Variants in RNF19A observed in about 807,000 individuals in gnomAD.
RNF19A encodes ring finger protein 19A, RBR E3 ubiquitin protein ligase, also known as E3 ubiquitin-protein ligase RNF19A.
In RNF19A, 32 loss-of-function variants were observed where a neutral mutation model predicts 75.7. That is an observed-to-expected ratio of 0.42 (90% CI 0.32 to 0.57). The LOEUF (loss-of-function observed/expected upper bound fraction) is 0.57. Ranked by LOEUF, RNF19A falls within the 20% of genes least tolerant of loss-of-function variation. The probability of loss-of-function intolerance (pLI) is 0.10; values close to 1 mark genes in which losing one functional copy is unlikely to be tolerated. For synonymous variants in RNF19A, 335 were observed against 345.2 expected, an observed-to-expected ratio of 0.97 and a Z score of 0.33; for missense variants, 782 against 1,036.3, an observed-to-expected ratio of 0.75 and a Z score of 3.37.
intron 2 of RNF19A, among the ~76,000 whole-genome samples, chr8:100,283,649 T>C (rs1324822790): frequency 6.6e-6 from 1 of 152,186 alleles, no homozygotes; most frequent in East Asian, 1.9e-4. Flanking sequence ...TTCTACTCTG[T>C]GGTAAGGACA....
intron 1 of RNF19A, among the ~76,000 whole-genome samples, chr8:100,295,567 A>C (rs1433130779): frequency 6.6e-6 from 1 of 152,198 alleles, no homozygotes; most frequent in Non-Finnish European, 1.5e-5. Flanking sequence ...TAAGGCAATG[A>C]AAAAAGGGAA....
At position 100,262,356 on chromosome 8, in the gene RNF19A, T is replaced by G. The variant is rs151164043; in HGVS notation, c.1469-601A>C. The stretch of plus-strand genomic sequence containing the variant: ...CTGTGAGCCATTTTATATGATGTGA[T>G]GACAGAAGGCCTCTTTGATAAGGTA... On this transcript the variant is annotated intron_variant, in intron 7 of 9. Coordinates refer to ENST00000341084, the MANE Select transcript of RNF19A (RefSeq NM_183419.4). Among the ~76,000 whole-genome samples, 17 of 152,294 alleles carry G rather than the reference T, an allele frequency of 1.1e-4. No homozygotes were observed. In the East Asian group the frequency reaches 3.3e-3, roughly 29 times the overall value.
chr8:100,318,554 A>C (rs1482500222), intron 1 of RNF19A, among the ~76,000 whole-genome samples: 1 of 152,258 alleles, frequency 6.6e-6, no homozygotes, highest in Non-Finnish European at 1.5e-5. Context: ...ACACAGAATA[A>C]TTTCCACACT....
chr8:100,328,068 T>G (rs1822558365), intron 1 of RNF19A, among the ~76,000 whole-genome samples: 1 of 152,188 alleles, frequency 6.6e-6, no homozygotes, highest in African/African-American at 2.4e-5. Context: ...CTTGAATGCA[T>G]GCATTATGGG....
In RNF19A at chr8:100,261,712, C is replaced by T. The variant is rs142203113; in HGVS notation, c.1512G>A (p.Gly504=). 3 of 1,614,142 alleles carry T rather than the reference C, an allele frequency of 1.9e-6. No homozygotes were observed. The East Asian group carries it at 6.7e-5, about 36-fold the overall frequency. ...CAGTCAGCCCACCAACACTTCCCTC[C>T]CCTATGCTTGGGTTGTGTCTTGCTT... The part of the protein sequence containing the change: ...VAEARHNPSI[G]EGSVGGLTGS... Residue 504 remains glycine (G), a synonymous_variant, in exon 8 of 10, where the codon GGG becomes GGA. Coordinates refer to ENST00000341084, the MANE Select transcript of RNF19A (RefSeq NM_183419.4). The surrounding 1 kb of genome is among the most constrained non-coding windows in gnomAD (Gnocchi z 4.4).
At position 100,258,897 on chromosome 8, in the gene RNF19A, TAG is replaced by T; in HGVS notation, c.2174_2175del (p.Ser725Ter). ...GAACAACTAAATTCAGAAAAATGAC[TAG>T]AGTGAGAATCTGCTACAGAAGGCAT... ...DSMPSVADSH[S>X]SHFSEFSCSD... On this transcript the variant is annotated frameshift_variant, in exon 10 of 10. Coordinates refer to ENST00000341084, the MANE Select transcript of RNF19A (RefSeq NM_183419.4). LOFTEE classifies it high-confidence loss of function. This position sits in a 1 kb window ranked among gnomAD's most constrained non-coding sequence, Gnocchi z 4.3. The T allele has an allele frequency of 6.2e-7, 1 of 1,614,178 alleles. No homozygotes were observed.
At position 100,323,996 on chromosome 8, in the gene RNF19A, AG is replaced by A. The variant is rs1586701101; in HGVS notation, c.-242-10625del. The stretch of plus-strand genomic sequence containing the variant: ...TGTATTCAATTTCAAATTGTTTCTA[AG>A]GGTTTAGTATCCTGTGATAAAAGCA... On this transcript the variant is annotated intron_variant, in intron 1 of 3. Transcript: ENST00000519527. The surrounding 1 kb of genome is among the most constrained non-coding windows in gnomAD (Gnocchi z 4.6). Among the ~76,000 whole-genome samples, 3 of 152,278 alleles carry A rather than the reference AG, an allele frequency of 2.0e-5. No individual in the cohort carries two copies. The East Asian group carries it at 5.8e-4, about 29-fold the overall frequency.
intron 1 of RNF19A, among the ~76,000 whole-genome samples, chr8:100,319,063 C>T (rs78506519): frequency 0.075 from 11,399 of 152,034 alleles, 1,278 homozygotes; most frequent in African/African-American, 0.24. Flanking sequence ...AGAAATTCAC[C>T]GTAATCAAAT....
rs1444932897 is a variant in RNF19A, at chr8:100,260,424, T to A, written c.1683-427A>T. 6.6e-6 allele frequency among the ~76,000 whole-genome samples: 1 copy of A among 152,152 alleles called. No individual in the cohort carries two copies. Among genetic ancestry groups the A allele is most frequent in the African/African-American group, 2.4e-5 (1 of 41,446 alleles). On this transcript the variant is annotated intron_variant, in intron 8 of 9. Coordinates refer to ENST00000341084, the MANE Select transcript of RNF19A (RefSeq NM_183419.4). This position sits in a 1 kb window ranked among gnomAD's most constrained non-coding sequence, Gnocchi z 4.1. ...GACTCTATAAATAACACCTGCCTTT[T>A]AATACTTTATTTATTTATATATATT...
At chr8:100,281,027 G>A (rs899857258) in intron 2 of RNF19A, among the ~76,000 whole-genome samples, 4 of 152,154 alleles carry the variant, frequency 2.6e-5, no homozygotes, top group African/African-American at 9.7e-5. Flanking sequence ...GGAAATAACT[G>A]AACATCTCTG....
In RNF19A at chr8:100,333,089, AAG is replaced by A. The variant is rs1322096415; in HGVS notation, c.-243+3017_-243+3018del. Among the ~76,000 whole-genome samples the A allele has an allele frequency of 6.6e-6, 1 of 152,152 alleles. No individual in the cohort carries two copies. The highest frequency in any genetic ancestry group is 1.5e-5 in the Non-Finnish European group (1 of 68,032). The stretch of plus-strand genomic sequence containing the variant: ...TACCATTTCTAGTATGGAAAAAAAA[AAG>A]AACAAACCTAGGTTCTGCCTTCATA... On this transcript the variant is annotated intron_variant, in intron 1 of 3. Transcript: ENST00000519527. The surrounding 1 kb of genome is among the most constrained non-coding windows in gnomAD (Gnocchi z 4.7).
intron 2 of RNF19A, among the ~76,000 whole-genome samples, chr8:100,282,501 T>C (rs966647733): frequency 1.3e-4 from 19 of 150,018 alleles, no homozygotes; most frequent in African/African-American, 4.8e-4. Context: ...CAGTTCAAGC[T>C]ATTAACTCTT....
At position 100,261,873 on chromosome 8, in the gene RNF19A, G is replaced by GA. The variant is rs1819735618; in HGVS notation, c.1469-119dup. The stretch of plus-strand genomic sequence containing the variant: ...AAGGTATAAAATATACGCAGACATG[G>GA]AAAAATATTTTTTTCAGGCTAGTCC... On this transcript the variant is annotated intron_variant, in intron 7 of 9. Transcript: ENST00000341084. The surrounding 1 kb of genome is among the most constrained non-coding windows in gnomAD (Gnocchi z 4.4). 3 of 1,037,716 alleles carry GA rather than the reference G, an allele frequency of 2.9e-6. No individual in the cohort carries two copies. The highest frequency in any genetic ancestry group is 2.9e-6 in the Non-Finnish European group (2 of 696,634). The allele number at this position is 1,037,716 out of a possible 1,614,324, so 64.3% of individuals were successfully genotyped here.
At chr8:100,278,727 C>T (rs1480965648) in intron 2 of RNF19A, among the ~76,000 whole-genome samples, 1 of 152,026 alleles carries the variant, frequency 6.6e-6, no homozygotes, top group African/African-American at 2.4e-5. Flanking sequence ...CATAGCACTA[C>T]ACTAACTTTA....
chr8:100,310,179 C>G, upstream of RNF19A: 1 of 985,452 alleles, frequency 1.0e-6, no homozygotes, highest in Non-Finnish European at 1.2e-6. Context: ...CCCGCCCCAG[C>G]GCGCCGCCCG....
chr8:100,317,224 G>A lies in RNF19A; in HGVS notation c.-242-3852C>T, dbSNP rs1822397635. On this transcript the variant is annotated intron_variant, in intron 1 of 3. Transcript: ENST00000519527. This position sits in a 1 kb window ranked among gnomAD's most constrained non-coding sequence, Gnocchi z 4.3. ...GCTCCAGCCTTGGCCAGCCCAGAAA[G>A]GGGCTCTCACAGTGCAGTGGTGGGC... Among the ~76,000 whole-genome samples the A allele has an allele frequency of 1.3e-5, 2 of 151,872 alleles. No homozygotes were observed. The highest frequency in any genetic ancestry group is 4.2e-4 in the South Asian group (2 of 4,786).
intron 1 of RNF19A, among the ~76,000 whole-genome samples, chr8:100,298,064 T>A (rs927366151): frequency 6.6e-5 from 10 of 152,126 alleles, no homozygotes; most frequent in Non-Finnish European, 4.4e-5. Flanking sequence ...GTCCATAGAT[T>A]ATAAAGATTA....
rs1004206689 is a variant in RNF19A at position 100,258,181 on chromosome 8, T to C, written c.*375A>G. The C allele has an allele frequency of 4.9e-6, 2 of 408,398 alleles. No homozygotes were observed. Among genetic ancestry groups the C allele is most frequent in the African/African-American group, 2.1e-5 (1 of 48,642 alleles). 25.3% of individuals were successfully genotyped at this position (408,398 alleles called of 1,614,324 possible). A position where few individuals can be genotyped will look rare whatever the true frequency, so the allele number is the denominator to read the frequency against. On this transcript the variant is annotated 3_prime_UTR_variant, in exon 10 of 10. Coordinates refer to ENST00000341084, the MANE Select transcript of RNF19A (RefSeq NM_183419.4). This position sits in a 1 kb window ranked among gnomAD's most constrained non-coding sequence, Gnocchi z 4.3. ...TTTCAATAAAATATCACTAACCACT[T>C]ATCCCTAAAGCCTCAAGTTTTCTTC...
At chr8:100,328,593 C>G (rs527617123) in intron 1 of RNF19A, among the ~76,000 whole-genome samples, 1 of 151,998 alleles carries the variant, frequency 6.6e-6, no homozygotes, top group East Asian at 1.9e-4. Flanking sequence ...TGCCTCAGCT[C>G]CCTGTGTAGC....
Sources: gnomAD v4.1 joint callset for allele counts (sites outside exome capture counted in the v4.1 genomes callset) on GRCh38, gnomAD v4.1.1 for gene constraint, Gnocchi (gnomAD v3.1) non-coding constraint, MANE v1.5 for transcripts, NCBI Gene and HGNC (gene_info 2026-07-23, HGNC 2026-07-21) for gene names.